The following PAFAH1B1 variants were observed in gnomAD, a reference collection of about 807,000 sequenced individuals.
PAFAH1B1 encodes the protein platelet activating factor acetylhydrolase 1b regulatory subunit 1.
Under a neutral mutation model 57.5 loss-of-function variants are expected in PAFAH1B1, and 2 were observed. The ratio of observed to expected loss-of-function variants is 0.03; its 90% CI spans 0.01 to 0.11. The LOEUF (loss-of-function observed/expected upper bound fraction) is 0.11, where lower values mean the gene tolerates loss of function less well. PAFAH1B1 is among the 10% of genes least tolerant of loss of function. The pLI, the probability that PAFAH1B1 is intolerant of heterozygous loss-of-function variation, is 1.00. For missense variants in PAFAH1B1, 257 were observed against 512.0 expected (o/e 0.50, Z 4.81); for synonymous variants, 152 against 169.6 (o/e 0.90, Z 0.81).
intron 2 of PAFAH1B1, among the ~76,000 whole-genome samples, chr17:2,649,634 T>G (rs2068822212): frequency 6.6e-6 from 1 of 152,200 alleles, no homozygotes; most frequent in South Asian, 2.1e-4. Flanking sequence ...AGATTTTCCT[T>G]GTTTCTGGAT....
intron 2 of PAFAH1B1, among the ~76,000 whole-genome samples, chr17:2,657,583 T>C (rs2068953473): frequency 6.6e-6 from 1 of 152,208 alleles, no homozygotes; most frequent in South Asian, 2.1e-4. Flanking sequence ...AGGTAAACAT[T>C]GAGATCTCCA....
At chr17:2,645,613 A>T (rs941784240) in intron 2 of PAFAH1B1, among the ~76,000 whole-genome samples, 1 of 144,968 alleles carries the variant, frequency 6.9e-6, no homozygotes, top group East Asian at 2.1e-4. Context: ...ATATTTATAT[A>T]TATATATATA....
chr17:2,609,224 G>A (rs1488305775), intron 1 of PAFAH1B1, among the ~76,000 whole-genome samples: 1 of 152,126 alleles, frequency 6.6e-6, no homozygotes, highest in Non-Finnish European at 1.5e-5. Context: ...TGCTGGGGCT[G>A]GTCTCAGACT....
intron 1 of PAFAH1B1, among the ~76,000 whole-genome samples, chr17:2,618,406 T>C (rs577134134): frequency 1.3e-5 from 2 of 152,232 alleles, no homozygotes; most frequent in South Asian, 4.1e-4. Context: ...GAAAACAATT[T>C]TAAAACTCTA....
chr17:2,664,696 C>CTCTCTCCA (rs2069079562), intron 2 of PAFAH1B1, among the ~76,000 whole-genome samples: 1 of 145,488 alleles, frequency 6.9e-6, no homozygotes, highest in Non-Finnish European at 1.5e-5. Context: ...CTCTCTCTTT[C>CTCTCTCCA]TCTCTCCATC....
chr17:2,620,207 C>T (rs537249395), intron 1 of PAFAH1B1, among the ~76,000 whole-genome samples: 10 of 152,196 alleles, frequency 6.6e-5, no homozygotes, highest in African/African-American at 1.2e-4. Context: ...GTGAGATTCC[C>T]CAAGCATTTG....
chr17:2,643,375 C>T (rs923604182), intron 2 of PAFAH1B1, among the ~76,000 whole-genome samples: 8 of 152,046 alleles, frequency 5.3e-5, no homozygotes, highest in African/African-American at 1.7e-4. Flanking sequence ...TGCCTCTGCC[C>T]CCCTAATAGC....
chr17:2,616,515 G>A (rs1041107510), intron 1 of PAFAH1B1, among the ~76,000 whole-genome samples: 1 of 152,144 alleles, frequency 6.6e-6, no homozygotes, highest in Non-Finnish European at 1.5e-5. Flanking sequence ...TCTTACTTGG[G>A]AAATCAGTCT....
At chr17:2,651,659 C>T (rs1179561252) in intron 2 of PAFAH1B1, among the ~76,000 whole-genome samples, 1 of 136,842 alleles carries the variant, frequency 7.3e-6, no homozygotes, top group East Asian at 2.0e-4. Flanking sequence ...TGTAAACCTC[C>T]TTGCTTCTCT....
intron 6 of PAFAH1B1, among the ~76,000 whole-genome samples, chr17:2,671,443 C>G (rs1437690973): frequency 6.6e-6 from 1 of 151,844 alleles, no homozygotes; most frequent in Non-Finnish European, 1.5e-5. Context: ...TCCTGACCTC[C>G]TGATCTGCCT....
intron 1 of PAFAH1B1, among the ~76,000 whole-genome samples, chr17:2,630,835 T>A (rs2151629265): frequency 6.6e-6 from 1 of 152,258 alleles, no homozygotes; most frequent in East Asian, 1.9e-4. Flanking sequence ...CTTTGTTGGG[T>A]TGGGTTACTG....
chr17:2,633,421 G>A (rs1184171179), intron 1 of PAFAH1B1, among the ~76,000 whole-genome samples: 1 of 151,562 alleles, frequency 6.6e-6, no homozygotes, highest in Non-Finnish European at 1.5e-5. Context: ...ACCTGCCTCA[G>A]CCTCCCAAAG....
chr17:2,653,953 C>G (rs12051777), intron 2 of PAFAH1B1, among the ~76,000 whole-genome samples: 1 of 151,656 alleles, frequency 6.6e-6, no homozygotes, highest in Non-Finnish European at 1.5e-5. Flanking sequence ...GGATTACAGG[C>G]GCGTGCCACC....
intron 2 of PAFAH1B1, 55 bp from the exon 3 acceptor site, chr17:2,665,317 C>T (rs886851468): frequency 9.5e-6 from 9 of 944,520 alleles, no homozygotes; most frequent in Middle Eastern, 6.3e-4. Context: ...AATTCTATTT[C>T]TTCAGAATAG....
intron 2 of PAFAH1B1, among the ~76,000 whole-genome samples, chr17:2,661,168 T>TTTAA (rs2069008581): frequency 6.6e-6 from 1 of 152,110 alleles, no homozygotes; most frequent in Non-Finnish European, 1.5e-5. Context: ...AACTCTTGAG[T>TTTAA]TTAATTAGAT....
chr17:2,631,301 A>G (rs1469653419), intron 1 of PAFAH1B1, among the ~76,000 whole-genome samples: 2 of 151,768 alleles, frequency 1.3e-5, no homozygotes, highest in African/African-American at 4.8e-5. Flanking sequence ...TCTGCCTCCC[A>G]GCGGTGAAAG....
Position 2,676,513 on chromosome 17 carries a change from A to G in PAFAH1B1, c.909A>G (p.Lys303=). 6.2e-7 allele frequency: 1 copy of G among 1,608,078 alleles called. No individual in the cohort carries two copies. The highest frequency in any genetic ancestry group is 2.2e-5 in the East Asian group (1 of 44,838). Residue 303 remains lysine, a synonymous_variant, in exon 9 of 11, where the codon AAA becomes AAG. Transcript: ENST00000397195. ...ISEATGSETK[K]SGKPGPFLLS... is the part of the protein sequence containing the mutation. ...TATTATGTTTTCTGTAGACTAAAAA[A>G]AGTGGTAAACCTGGGCCATTCTTGC... is the stretch of plus-strand genomic sequence containing the variant.
intron 1 of PAFAH1B1, among the ~76,000 whole-genome samples, chr17:2,599,084 T>A (rs1277600748): frequency 6.6e-6 from 1 of 152,234 alleles, no homozygotes; most frequent in African/African-American, 2.4e-5. Flanking sequence ...TCAAGGATAC[T>A]TCTGGAATGG....
chr17:2,630,776 CA>C (rs2068545904), intron 1 of PAFAH1B1, among the ~76,000 whole-genome samples: 1 of 152,186 alleles, frequency 6.6e-6, no homozygotes, highest in Non-Finnish European at 1.5e-5. Context: ...AAGATAATCC[CA>C]GACGTCTTGG....
Sources: gnomAD v4.1 joint callset for allele counts (sites outside exome capture counted in the v4.1 genomes callset) on GRCh38, gnomAD v4.1.1 for gene constraint, MANE v1.5 for transcripts, NCBI Gene and HGNC (gene_info 2026-07-23, HGNC 2026-07-21) for gene names.